The following CHFR variants were observed in gnomAD, a reference collection of about 807,000 sequenced individuals.
CHFR encodes the protein checkpoint with forkhead and ring finger domains.
A neutral mutation model predicts 87.6 loss-of-function variants in CHFR; 57 were observed. The ratio of observed to expected loss-of-function variants is 0.65; its 90% CI spans 0.53 to 0.81. The LOEUF (loss-of-function observed/expected upper bound fraction) is 0.81, where lower values mean the gene tolerates loss of function less well. CHFR is among the 30% of genes least tolerant of loss of function. The pLI is 0.00. For missense variants in CHFR, 797 were observed against 865.8 expected (o/e 0.92, Z 1.00); for synonymous variants, 381 against 359.2 (o/e 1.06, Z -0.69).
intron 16 of CHFR, 62 bp from the exon 17 acceptor site, chr12:132,843,145 G>C: frequency 6.8e-7 from 1 of 1,477,410 alleles, no homozygotes; most frequent in Non-Finnish European, 9.3e-7. Context: ...TCAGCTACCT[G>C]AATCCCAGCA....
intron 11 of CHFR, among the ~76,000 whole-genome samples, chr12:132,852,424 A>G (rs1950968418): frequency 6.7e-6 from 1 of 148,866 alleles, no homozygotes; most frequent in Admixed American, 6.9e-5. Flanking sequence ...AACAAAGGAC[A>G]GCCACGGTGC....
At chr12:132,870,898 C>T in intron 4 of CHFR, 115 bp from the exon 5 acceptor site, 1 of 597,800 alleles carries the variant, frequency 1.7e-6, no homozygotes, top group Non-Finnish European at 3.1e-6. Context: ...GACTCATCAG[C>T]TAATAACAAA....
At position 132,876,986 on chromosome 12, in the gene CHFR, G is replaced by A. The variant is rs113511206; in HGVS notation, c.233+569C>T. Among the ~76,000 whole-genome samples the A allele has an allele frequency of 3.3e-4, 50 of 152,188 alleles. 1 individual carries two copies. Among genetic ancestry groups the A allele is most frequent in the African/African-American group, 1.1e-3 (47 of 41,528 alleles). ...ATTTTTATATTTTTAAGAGAGACAG[G>A]GTTTCTCCATGTTGGCCAGGCTGGG... On this transcript the variant is annotated intron_variant, in intron 3 of 17. Transcript: ENST00000450056.
intron 13 of CHFR, 111 bp from the exon 14 acceptor site, chr12:132,848,266 A>G (rs1027061980): frequency 3.2e-6 from 5 of 1,556,316 alleles, no homozygotes; most frequent in South Asian, 1.2e-5. Context: ...TTCTAGAAAG[A>G]ATAAGAAGTT....
chr12:132,885,922 T>C (rs1036379967), intron 2 of CHFR, among the ~76,000 whole-genome samples: 1 of 152,214 alleles, frequency 6.6e-6, no homozygotes, highest in African/African-American at 2.4e-5. Context: ...CTTAAAGGGA[T>C]AATTTTGATA....
Position 132,844,100 on chromosome 12 carries a change from G to A in CHFR, c.1770C>T (p.Tyr590=). ...CACGGAAGCTGCGCAGGCCACAGCAGTAACACAGAACGGTGTCTCCCGTGA... is the reference window on the plus strand; with the variant it reads ...CACGGAAGCTGCGCAGGCCACAGCAATAACACAGAACGGTGTCTCCCGTGA... ...YRVTGDTVLC[Y]CCGLRSFREL... is the part of the protein sequence containing the mutation. The change falls in exon 16 of 18, where the codon TAC becomes TAT. Residue 590 remains tyrosine (Y), a synonymous_variant. Coordinates refer to ENST00000450056, the MANE Select transcript of CHFR (RefSeq NM_001161346.2). 1.2e-6 allele frequency: 2 copies of A among 1,613,678 alleles called. No homozygotes were observed. The highest frequency in any genetic ancestry group is 2.2e-5 in the South Asian group (2 of 91,070).
chr12:132,845,719 G>A (rs1279175295), intron 15 of CHFR, among the ~76,000 whole-genome samples: 1 of 152,080 alleles, frequency 6.6e-6, no homozygotes, highest in Admixed American at 6.6e-5. Context: ...GTGCCCCCCT[G>A]GAGAGGAGTG....
Position 132,853,589 on chromosome 12 carries a change from G to A in CHFR, c.1230-16C>T, listed in dbSNP as rs1950996440. 1 of 1,520,760 alleles carries A rather than the reference G, an allele frequency of 6.6e-7. No homozygotes were observed. Among genetic ancestry groups the A allele is most frequent in the Non-Finnish European group, 8.8e-7 (1 of 1,138,964 alleles). The allele number at this position is 1,520,760 out of a possible 1,614,324, so 94.2% of individuals were successfully genotyped here. The stretch of plus-strand genomic sequence containing the variant: ...GTATGGCTGGCTGCAAGGAAGCACA[G>A]GGCCGAGCTGTGTGCAGGCCCCAAG... On this transcript the variant is annotated splice_polypyrimidine_tract_variant and intron_variant, in intron 10 of 17. Coordinates refer to ENST00000450056, the MANE Select transcript of CHFR (RefSeq NM_001161346.2).
At chr12:132,846,619 G>A (rs1014566037) in intron 15 of CHFR, among the ~76,000 whole-genome samples, 4 of 151,836 alleles carry the variant, frequency 2.6e-5, no homozygotes, top group Non-Finnish European at 4.4e-5. Context: ...AGTGGCTCAC[G>A]CCTGTAATTC....
chr12:132,853,286 C>T, intron 11 of CHFR, 145 bp downstream of exon 11: 1 of 821,168 alleles, frequency 1.2e-6, no homozygotes. Flanking sequence ...ACTGTGAGTG[C>T]AGGGAGACCA....
At chr12:132,877,352 G>A (rs1951652365) in intron 3 of CHFR, among the ~76,000 whole-genome samples, 1 of 152,094 alleles carries the variant, frequency 6.6e-6, no homozygotes. Context: ...TTTGCAAGAT[G>A]ATCAAATTGT....
chr12:132,887,044 T>C (rs1450760405), intron 2 of CHFR, 152 bp downstream of exon 2: 11 of 611,408 alleles, frequency 1.8e-5, no homozygotes, highest in East Asian at 3.5e-5. Flanking sequence ...CAAGAATCGG[T>C]GGGCAGAACA....
chr12:132,874,964 C>G (rs946615403), intron 3 of CHFR, among the ~76,000 whole-genome samples: 30 of 151,308 alleles, frequency 2.0e-4, no homozygotes, highest in African/African-American at 7.1e-4. Flanking sequence ...ACGGGGAAGC[C>G]AGGCCCTGAT....
intron 8 of CHFR, 71 bp from the exon 9 acceptor site, chr12:132,857,630 A>G (rs4758910): frequency 0.19 from 282,128 of 1,497,670 alleles, 27,889 homozygotes; most frequent in African/African-American, 0.27. Flanking sequence ...CAAGGTCCGC[A>G]GCAGCCCCAC....
intron 4 of CHFR, among the ~76,000 whole-genome samples, chr12:132,871,594 A>T (rs1951491327): frequency 6.6e-6 from 1 of 151,618 alleles, no homozygotes; most frequent in South Asian, 2.1e-4. Flanking sequence ...CAGCATGGCA[A>T]AACCCCGTCT....
chr12:132,874,612 G>T (rs532199674), intron 3 of CHFR, among the ~76,000 whole-genome samples: 1 of 97,868 alleles, frequency 1.0e-5, no homozygotes, highest in South Asian at 3.7e-4. Context: ...GAACAGGCGG[G>T]ACTGCCCAGG....
chr12:132,857,070 C>A (rs1321306560), intron 9 of CHFR, among the ~76,000 whole-genome samples: 13 of 83,692 alleles, frequency 1.6e-4, no homozygotes, highest in Admixed American at 2.2e-4. Context: ...GTGGAGGGAC[C>A]ACCCTCACGT....
intron 8 of CHFR, 78 bp from the exon 9 acceptor site, chr12:132,857,637 CCA>C: frequency 6.9e-7 from 1 of 1,451,508 alleles, no homozygotes; most frequent in Non-Finnish European, 9.4e-7. Flanking sequence ...CGCAGCAGCC[CCA>C]CCACGGAAGG....
At chr12:132,884,853 G>A (rs531346228) in intron 2 of CHFR, among the ~76,000 whole-genome samples, 11 of 152,244 alleles carry the variant, frequency 7.2e-5, no homozygotes, top group East Asian at 1.9e-4. Flanking sequence ...TTGAGAGGCC[G>A]AGGCAGACAG....
Sources: gnomAD v4.1 joint callset for allele counts (sites outside exome capture counted in the v4.1 genomes callset) on GRCh38, gnomAD v4.1.1 for gene constraint, MANE v1.5 for transcripts, NCBI Gene and HGNC (gene_info 2026-07-23, HGNC 2026-07-21) for gene names.